FSIP1: variants seen among roughly 807,000 people sequenced by gnomAD.
FSIP1 encodes the protein fibrous sheath-interacting protein 1.
Under a neutral mutation model 60.9 loss-of-function variants are expected in FSIP1, and 65 were observed. The observed-to-expected ratio is 1.07, with a 90% confidence interval of 0.87 to 1.31. The LOEUF (loss-of-function observed/expected upper bound fraction) is 1.31, where lower values mean the gene tolerates loss of function less well. Among genes scored for constraint, FSIP1 ranks in the 40% most tolerant of loss-of-function variants. The pLI, the probability that FSIP1 is intolerant of heterozygous loss-of-function variation, is 0.00. For missense variants in FSIP1, 675 were observed against 665.5 expected (o/e 1.01, Z -0.16); for synonymous variants, 209 against 221.2 (o/e 0.94, Z 0.49).
intron 10 of FSIP1, among the ~76,000 whole-genome samples, chr15:39,669,973 C>G (rs531314023): frequency 1.3e-5 from 2 of 152,326 alleles, no homozygotes; most frequent in Non-Finnish European, 2.9e-5. Context: ...AAAAGTATTT[C>G]TTCCAACCCT....
At chr15:39,602,266 G>A (rs1423539386) in intron 11 of FSIP1, 4 of 453,212 alleles carry the variant, frequency 8.8e-6, no homozygotes, top group Non-Finnish European at 1.8e-5. Flanking sequence ...AGAGACTGGA[G>A]TGACGTGGCC....
At chr15:39,723,857 T>C (rs982020309) in intron 9 of FSIP1, among the ~76,000 whole-genome samples, 4 of 152,238 alleles carry the variant, frequency 2.6e-5, no homozygotes, top group Admixed American at 2.6e-4. Context: ...AATCCAAAAA[T>C]AATATCCCTA....
intron 5 of FSIP1, among the ~76,000 whole-genome samples, 190 bp from the exon 6 acceptor site, chr15:39,742,090 A>G (rs1896823808): frequency 6.6e-6 from 1 of 152,248 alleles, no homozygotes; most frequent in Admixed American, 6.5e-5. Flanking sequence ...TGTATACAGG[A>G]GCCAAATGAA....
intron 2 of FSIP1, among the ~76,000 whole-genome samples, chr15:39,774,375 C>G (rs866927350): frequency 2.0e-5 from 3 of 151,436 alleles, no homozygotes; most frequent in African/African-American, 7.3e-5. Flanking sequence ...CCCGGCTATT[C>G]GGGAGGCTGA....
chr15:39,597,688 G>A (rs1228396861), downstream of FSIP1: 7 of 152,172 alleles, frequency 4.6e-5, no homozygotes, highest in Non-Finnish European at 8.8e-5. Flanking sequence ...ACATTAGCCT[G>A]CCATATCAAA....
chr15:39,721,199 T>C (rs1480076172), intron 9 of FSIP1, among the ~76,000 whole-genome samples: 1 of 152,188 alleles, frequency 6.6e-6, no homozygotes, highest in Non-Finnish European at 1.5e-5. Flanking sequence ...CTATTCTGAC[T>C]TAACCACATT....
At chr15:39,766,980 G>A (rs1166717) in intron 3 of FSIP1, among the ~76,000 whole-genome samples, 1 of 151,800 alleles carries the variant, frequency 6.6e-6, no homozygotes, top group Non-Finnish European at 1.5e-5. Flanking sequence ...CCAGAGCCAG[G>A]ACTACAGGTG....
intron 10 of FSIP1, among the ~76,000 whole-genome samples, chr15:39,648,447 C>T (rs890770102): frequency 3.9e-5 from 6 of 152,142 alleles, no homozygotes; most frequent in Non-Finnish European, 5.9e-5. Context: ...GTGAGACATA[C>T]GCATCGTAAG....
At chr15:39,689,212 G>C (rs747075061) in intron 10 of FSIP1, among the ~76,000 whole-genome samples, 1 of 152,028 alleles carries the variant, frequency 6.6e-6, no homozygotes, top group African/African-American at 2.4e-5. Context: ...TACGTGGAAG[G>C]AGCACAGAAT....
intron 9 of FSIP1, among the ~76,000 whole-genome samples, chr15:39,716,812 C>CTTTTTTTTTTT (rs72106293): frequency 9.1e-6 from 1 of 110,210 alleles, no homozygotes; most frequent in Non-Finnish European, 1.8e-5. Context: ...CAGGCCATGT[C>CTTTTTTTTTTT]TTTTTTTTTT....
At chr15:39,706,550 T>G (rs114979380) in intron 10 of FSIP1, among the ~76,000 whole-genome samples, 1 of 152,228 alleles carries the variant, frequency 6.6e-6, no homozygotes, top group South Asian at 2.1e-4. Context: ...CTCTTGTACA[T>G]GTAGATGCTT....
chr15:39,778,015 T>G (rs1482318696), intron 1 of FSIP1, among the ~76,000 whole-genome samples: 2 of 152,180 alleles, frequency 1.3e-5, no homozygotes, highest in Non-Finnish European at 2.9e-5. Flanking sequence ...TGCCAAAGCT[T>G]ATGTTTAAGA....
chr15:39,604,431 G>T (rs1345594125), intron 11 of FSIP1, among the ~76,000 whole-genome samples: 1 of 152,202 alleles, frequency 6.6e-6, no homozygotes, highest in Non-Finnish European at 1.5e-5. Context: ...GCATGCCTTT[G>T]TTCATTTTAT....
chr15:39,717,930 C>T (rs78287296), intron 9 of FSIP1, among the ~76,000 whole-genome samples: 16 of 152,330 alleles, frequency 1.1e-4, no homozygotes, highest in East Asian at 7.7e-4. Context: ...AACTAATTAC[C>T]GCTCAAGCGC....
chr15:39,685,266 T>A (rs1270481215), intron 10 of FSIP1, among the ~76,000 whole-genome samples: 1 of 152,098 alleles, frequency 6.6e-6, no homozygotes, highest in Non-Finnish European at 1.5e-5. Flanking sequence ...CAAAAAAAAA[T>A]TGTTCATGTG....
chr15:39,740,171 C>T (rs567679342), intron 6 of FSIP1, among the ~76,000 whole-genome samples: 29 of 152,276 alleles, frequency 1.9e-4, no homozygotes, highest in African/African-American at 6.7e-4. Context: ...ACAAAAATTT[C>T]CCTAAAGGCT....
chr15:39,695,635 G>C (rs1321857220), intron 10 of FSIP1, among the ~76,000 whole-genome samples: 2 of 152,108 alleles, frequency 1.3e-5, no homozygotes, highest in African/African-American at 4.8e-5. Context: ...CCTGCTTTTT[G>C]ACAGATAGTT....
At chr15:39,722,324 T>A (rs982992621) in intron 9 of FSIP1, among the ~76,000 whole-genome samples, 1 of 152,068 alleles carries the variant, frequency 6.6e-6, no homozygotes, top group East Asian at 1.9e-4. Flanking sequence ...AGTTGTATAA[T>A]TATTTTGTTA....
chr15:39,723,235 A>C (rs1896053504), intron 9 of FSIP1, among the ~76,000 whole-genome samples: 1 of 152,118 alleles, frequency 6.6e-6, no homozygotes, highest in Non-Finnish European at 1.5e-5. Flanking sequence ...TTGAAGTGAG[A>C]CTGTTTTTTT....
Sources: gnomAD v4.1 joint callset for allele counts (sites outside exome capture counted in the v4.1 genomes callset) on GRCh38, gnomAD v4.1.1 for gene constraint, MANE v1.5 for transcripts, NCBI Gene and HGNC (gene_info 2026-07-23, HGNC 2026-07-21) for gene names.